PARD3B: variants seen among roughly 807,000 people sequenced by gnomAD.
PARD3B encodes par-3 family cell polarity regulator beta.
PARD3B carries 103 observed loss-of-function variants against 130.2 expected under a neutral mutation model. The observed-to-expected ratio is 0.79, with a 90% CI of 0.67 to 0.93. The LOEUF (loss-of-function observed/expected upper bound fraction) is 0.93, where lower values mean the gene tolerates loss of function less well. PARD3B is among the 40% of genes least tolerant of loss of function. The pLI is 0.00. For missense variants in PARD3B, 1,609 were observed against 1,499.2 expected (o/e 1.07, Z -1.21); for synonymous variants, 583 against 553.2 (o/e 1.05, Z -0.76).
intron 4 of PARD3B, among the ~76,000 whole-genome samples, chr2:205,095,593 G>A (rs1055729041): frequency 6.6e-6 from 1 of 152,074 alleles, no homozygotes; most frequent in Non-Finnish European, 1.5e-5. Flanking sequence ...CTGATACCTC[G>A]ATGAGATGGA....
chr2:204,970,992 T>C (rs926338071), intron 3 of PARD3B, among the ~76,000 whole-genome samples: 2 of 152,254 alleles, frequency 1.3e-5, no homozygotes, highest in African/African-American at 4.8e-5. Flanking sequence ...ATTATGATTA[T>C]GTGTTTGTTA....
At chr2:205,226,935 G>C (rs1164643174) in intron 15 of PARD3B, among the ~76,000 whole-genome samples, 1 of 152,016 alleles carries the variant, frequency 6.6e-6, no homozygotes, top group African/African-American at 2.4e-5. Context: ...TGATCCACTG[G>C]TCATTCAGGA....
chr2:204,632,579 C>T (rs755556597), intron 1 of PARD3B, among the ~76,000 whole-genome samples: 3 of 152,188 alleles, frequency 2.0e-5, no homozygotes, highest in African/African-American at 4.8e-5. Context: ...GCTCCATACC[C>T]TAGGTGCCTG....
intron 4 of PARD3B, among the ~76,000 whole-genome samples, chr2:205,063,668 G>GAT (rs1700189340): frequency 6.6e-6 from 1 of 152,134 alleles, no homozygotes; most frequent in African/African-American, 2.4e-5. Flanking sequence ...TGGTCCCATT[G>GAT]ATATTTCTGT....
intron 2 of PARD3B, among the ~76,000 whole-genome samples, chr2:204,731,458 TAGA>T (rs2039503830): frequency 6.6e-6 from 1 of 152,234 alleles, no homozygotes; most frequent in Admixed American, 6.5e-5. Context: ...GAATTAGTGA[TAGA>T]AGGTTTATAA....
chr2:205,527,215 A>T (rs576937583), intron 21 of PARD3B, among the ~76,000 whole-genome samples: 1 of 152,156 alleles, frequency 6.6e-6, no homozygotes, highest in East Asian at 1.9e-4. Flanking sequence ...TAAACACTCT[A>T]TTTGGAAACA....
At chr2:205,438,710 TA>T (rs2047605853) in intron 19 of PARD3B, among the ~76,000 whole-genome samples, 1 of 152,178 alleles carries the variant, frequency 6.6e-6, no homozygotes, top group South Asian at 2.1e-4. Flanking sequence ...GCAAGGCCCT[TA>T]ACGGGTACCC....
intron 18 of PARD3B, among the ~76,000 whole-genome samples, chr2:205,320,379 A>C (rs1391439193): frequency 6.6e-6 from 1 of 152,190 alleles, no homozygotes. Flanking sequence ...TGGAAATAAT[A>C]TGTGTTAGAA....
At chr2:205,517,276 A>G (rs917341030) in intron 21 of PARD3B, among the ~76,000 whole-genome samples, 8 of 152,048 alleles carry the variant, frequency 5.3e-5, no homozygotes, top group African/African-American at 1.9e-4. Context: ...TGCCAGCCTC[A>G]TAGAATGAGG....
At chr2:205,573,988 A>C (rs2053652034) in intron 22 of PARD3B, among the ~76,000 whole-genome samples, 1 of 152,206 alleles carries the variant, frequency 6.6e-6, no homozygotes, top group Non-Finnish European at 1.5e-5. Flanking sequence ...TATATATTGG[A>C]GGAAAAAGAA....
chr2:205,227,287 C>G (rs540987473), intron 15 of PARD3B, among the ~76,000 whole-genome samples: 139 of 152,094 alleles, frequency 9.1e-4, no homozygotes, highest in Non-Finnish European at 1.8e-3. Context: ...GTTGAAGTCT[C>G]CAGCCATTAT....
At chr2:205,489,517 A>G (rs1444855819) in intron 20 of PARD3B, among the ~76,000 whole-genome samples, 3 of 144,788 alleles carry the variant, frequency 2.1e-5, no homozygotes, top group Non-Finnish European at 3.0e-5. Context: ...ATACGTATAT[A>G]TATATACACA....
rs2040646575 is a variant in PARD3B at position 205,269,733 on chromosome 2, T to C, written c.2185+23911T>C. On this transcript the variant is annotated intron_variant, in intron 16 of 22. Coordinates refer to ENST00000406610, the MANE Select transcript of PARD3B (RefSeq NM_001302769.2). The surrounding 1 kb of genome is among the most constrained non-coding windows in gnomAD (Gnocchi z 4.7). The stretch of plus-strand genomic sequence containing the variant: ...TCACTTGCAAAAACAAAAATTAAGA[T>C]CTGAAGAGTACTTACCAAGTTGAGC... Among the ~76,000 whole-genome samples the C allele has an allele frequency of 6.6e-6, 1 of 152,148 alleles. No homozygotes were observed. Among genetic ancestry groups the C allele is most frequent in the African/African-American group, 2.4e-5 (1 of 41,434 alleles).
intron 18 of PARD3B, among the ~76,000 whole-genome samples, chr2:205,326,163 C>A (rs955407907): frequency 6.6e-6 from 1 of 152,164 alleles, no homozygotes; most frequent in African/African-American, 2.4e-5. Context: ...TATTATACCT[C>A]CTATTAGAAA....
chr2:204,944,612 T>C lies in PARD3B; in HGVS notation c.223-20540T>C, dbSNP rs114628850. On this transcript the variant is annotated intron_variant, in intron 2 of 22. Coordinates refer to ENST00000406610, the MANE Select transcript of PARD3B (RefSeq NM_001302769.2). ...ATCAGCTAATCAACTATTTTATAATTTTATATTTTAATGCAGCTATTTAAT... is the reference window on the plus strand; with the variant it reads ...ATCAGCTAATCAACTATTTTATAATCTTATATTTTAATGCAGCTATTTAAT... Among the ~76,000 whole-genome samples the C allele has an allele frequency of 7.4e-3, 1,131 of 152,348 alleles. 22 individuals carry two copies. Among genetic ancestry groups the C allele is most frequent in the African/African-American group, 0.025 (1,060 of 41,580 alleles).
chr2:205,469,106 AC>A (rs1463009699), intron 20 of PARD3B, among the ~76,000 whole-genome samples: 1 of 152,090 alleles, frequency 6.6e-6, no homozygotes, highest in Admixed American at 6.5e-5. Flanking sequence ...TTGACTGTTA[AC>A]TTGTTTGTTT....
intron 1 of PARD3B, among the ~76,000 whole-genome samples, chr2:204,639,548 A>G (rs1447324008): frequency 3.3e-5 from 5 of 152,148 alleles, no homozygotes; most frequent in Non-Finnish European, 7.4e-5. Context: ...TTTTCTTGTC[A>G]TTATTCCCTA....
chr2:204,938,249 T>G (rs980280670), intron 2 of PARD3B, among the ~76,000 whole-genome samples: 1 of 152,208 alleles, frequency 6.6e-6, no homozygotes, highest in Admixed American at 6.5e-5. Flanking sequence ...CCACAGTCCT[T>G]CCTCTACCCT....
At chr2:205,544,863 T>A (rs1306037593) in intron 21 of PARD3B, among the ~76,000 whole-genome samples, 1 of 152,170 alleles carries the variant, frequency 6.6e-6, no homozygotes, top group African/African-American at 2.4e-5. Context: ...TGTGCACAGG[T>A]TAGAAGGGAC....
Sources: allele counts gnomAD v4.1 joint callset (sites outside exome capture counted in the v4.1 genomes callset), GRCh38; gene constraint gnomAD v4.1.1; non-coding constraint Gnocchi (gnomAD v3.1); transcripts MANE v1.5; gene names NCBI Gene and HGNC (gene_info 2026-07-23, HGNC 2026-07-21).